Variants in BMP2K observed in about 807,000 individuals in gnomAD.
The protein encoded by BMP2K is BMP2 inducible kinase.
In BMP2K, 74 loss-of-function variants were observed where a neutral mutation model predicts 116.0. The ratio of observed to expected loss-of-function variants is 0.64; its 90% CI spans 0.53 to 0.77. BMP2K has a LOEUF of 0.77. Ranked by LOEUF, BMP2K falls within the 30% of genes least tolerant of loss-of-function variation. The probability of loss-of-function intolerance (pLI) is 0.00; values close to 1 mark genes in which losing one functional copy is unlikely to be tolerated. For missense variants in BMP2K, 1,365 were observed against 1,403.6 expected (o/e 0.97, Z 0.44); for synonymous variants, 486 against 502.5 (o/e 0.97, Z 0.44).
At chr4:78,844,685 T>C (rs1000181712) in intron 4 of BMP2K, among the ~76,000 whole-genome samples, 1 of 151,598 alleles carries the variant, frequency 6.6e-6, no homozygotes, top group South Asian at 2.1e-4. Flanking sequence ...ATATTTTTGC[T>C]CCCATTCATT....
intron 14 of BMP2K, chr4:78,879,940 C>A (rs1732817048): frequency 6.6e-6 from 1 of 152,026 alleles, no homozygotes; most frequent in Non-Finnish European, 1.5e-5. Flanking sequence ...AAGTTCTGAG[C>A]CGTTAATAAA....
chr4:78,884,844 T>C (rs897781891), intron 14 of BMP2K, among the ~76,000 whole-genome samples: 1 of 152,198 alleles, frequency 6.6e-6, no homozygotes. Context: ...CCCACCACAA[T>C]AAGTTAGGGA....
chr4:78,914,346 GCA>G lies in BMP2K; in HGVS notation c.*2316_*2317del, dbSNP rs926591796. 6 of 152,000 alleles carry G rather than the reference GCA, an allele frequency of 3.9e-5. No individual in the cohort carries two copies. The highest frequency in any genetic ancestry group is 1.4e-4 in the African/African-American group (6 of 41,408). 9.4% of individuals were successfully genotyped at this position (152,000 alleles called of 1,614,324 possible). ...AAAATATTTACATTCTTATAACACA[GCA>G]CAGTGACTTTCTTCTTTCAAGATTG... is the stretch of plus-strand genomic sequence containing the variant. On this transcript the variant is annotated 3_prime_UTR_variant, in exon 16 of 16. Transcript: ENST00000502613.
intron 7 of BMP2K, among the ~76,000 whole-genome samples, chr4:78,855,935 A>C (rs1313715488): frequency 6.6e-6 from 1 of 152,182 alleles, no homozygotes; most frequent in Non-Finnish European, 1.5e-5. Flanking sequence ...TTGAGTAAAC[A>C]AGGGCGTATT....
At chr4:78,867,047 T>C (rs987552119) in intron 10 of BMP2K, among the ~76,000 whole-genome samples, 1 of 151,916 alleles carries the variant, frequency 6.6e-6, no homozygotes, top group East Asian at 1.9e-4. Flanking sequence ...GGTACACACC[T>C]GTAGTCCCAG....
chr4:78,799,993 G>T (rs951216282), intron 1 of BMP2K, among the ~76,000 whole-genome samples: 6 of 152,176 alleles, frequency 3.9e-5, no homozygotes, highest in Non-Finnish European at 8.8e-5. Context: ...AGGATATGCC[G>T]TACTCTGACA....
At chr4:78,887,803 T>C (rs1375471859) in intron 15 of BMP2K, among the ~76,000 whole-genome samples, 1 of 152,218 alleles carries the variant, frequency 6.6e-6, no homozygotes, top group Non-Finnish European at 1.5e-5. Context: ...TGGAAGATAC[T>C]AGGATGGAAT....
At chr4:78,863,529 G>A (rs1024605292) in intron 9 of BMP2K, among the ~76,000 whole-genome samples, 1 of 152,082 alleles carries the variant, frequency 6.6e-6, no homozygotes, top group East Asian at 1.9e-4. Context: ...GAGAATCACT[G>A]GCCTGGCAGA....
intron 4 of BMP2K, 121 bp downstream of exon 4, chr4:78,842,648 C>G: frequency 1.2e-6 from 1 of 832,888 alleles, no homozygotes; most frequent in Non-Finnish European, 1.7e-6. Context: ...TCCCCTTCTA[C>G]ATTTCCTGAG....
intron 1 of BMP2K, among the ~76,000 whole-genome samples, chr4:78,804,841 G>T (rs370250217): frequency 4.6e-5 from 7 of 151,158 alleles, no homozygotes; most frequent in African/African-American, 1.5e-4. Flanking sequence ...ATTAGATATA[G>T]AATTTGCAAA....
intron 13 of BMP2K, among the ~76,000 whole-genome samples, chr4:78,873,198 G>A (rs915958501): frequency 4.6e-5 from 7 of 152,088 alleles, no homozygotes; most frequent in Non-Finnish European, 1.0e-4. Context: ...CATAAAGGTT[G>A]TATAATTTAA....
At chr4:78,802,294 G>A (rs561051034) in intron 1 of BMP2K, among the ~76,000 whole-genome samples, 94 of 152,240 alleles carry the variant, frequency 6.2e-4, no homozygotes, top group African/African-American at 2.1e-3. Flanking sequence ...TCCAGTTTAT[G>A]GATTGATGCT....
At chr4:78,827,913 C>T (rs1037576664) in intron 2 of BMP2K, among the ~76,000 whole-genome samples, 2 of 152,194 alleles carry the variant, frequency 1.3e-5, no homozygotes, top group African/African-American at 4.8e-5. Context: ...CATGTCACTC[C>T]TTGTTGGTCA....
chr4:78,783,902 A>G (rs759712218), intron 1 of BMP2K, among the ~76,000 whole-genome samples: 1 of 152,212 alleles, frequency 6.6e-6, no homozygotes, highest in Non-Finnish European at 1.5e-5. Flanking sequence ...GTAGTCAACT[A>G]TTGTGGTTAA....
chr4:78,871,108 A>G, intron 11 of BMP2K, 48 bp downstream of exon 11: 1 of 1,583,694 alleles, frequency 6.3e-7, no homozygotes, highest in Non-Finnish European at 8.5e-7. Flanking sequence ...AAATTGATGC[A>G]GCAAATTGAA....
At chr4:78,896,447 CTGTG>C (rs937439561) in intron 15 of BMP2K, among the ~76,000 whole-genome samples, 1 of 152,106 alleles carries the variant, frequency 6.6e-6, no homozygotes, top group Non-Finnish European at 1.5e-5. Flanking sequence ...CACCTACTTG[CTGTG>C]TGTATCAGTT....
chr4:78,808,455 CGGGGTTTTCACCATATTA>C (rs1164158715), intron 1 of BMP2K, among the ~76,000 whole-genome samples: 1 of 151,840 alleles, frequency 6.6e-6, no homozygotes, highest in Admixed American at 6.6e-5. Context: ...TTACTAGAGA[CGGGGTTTTCACCATATTA>C]GCCAGGATGG....
chr4:78,847,668 T>C (rs1731075116), intron 6 of BMP2K, among the ~76,000 whole-genome samples: 1 of 151,698 alleles, frequency 6.6e-6, no homozygotes, highest in Non-Finnish European at 1.5e-5. Flanking sequence ...GAAATTGATA[T>C]GAGTAAATGT....
At position 78,897,814 on chromosome 4, in the gene BMP2K, G is replaced by A. The variant is rs78728709; in HGVS notation, c.2062+10530G>A. 4.9e-4 allele frequency among the ~76,000 whole-genome samples: 75 copies of A among 152,330 alleles called. 1 individual carries two copies. The East Asian group carries it at 0.013, about 27-fold the overall frequency. On this transcript the variant is annotated intron_variant, in intron 15 of 15. Coordinates refer to ENST00000502613, the MANE Select transcript of BMP2K (RefSeq NM_198892.2). ...GGAGCTATTTCTATTACTGGATAGA[G>A]TTTTATCTGAAAATCTAAAAGGATT...
Sources: allele counts gnomAD v4.1 joint callset (sites outside exome capture counted in the v4.1 genomes callset), GRCh38; gene constraint gnomAD v4.1.1; transcripts MANE v1.5; gene names NCBI Gene and HGNC (gene_info 2026-07-23, HGNC 2026-07-21).